Variants in CDH12 observed in about 807,000 individuals in gnomAD.
CDH12 encodes the protein cadherin-12.
Under a neutral mutation model 74.1 loss-of-function variants are expected in CDH12, and 41 were observed. That is an observed-to-expected ratio of 0.55 (90% confidence interval 0.43 to 0.72). The LOEUF (loss-of-function observed/expected upper bound fraction) is 0.72. Ranked by LOEUF, CDH12 falls within the 30% of genes least tolerant of loss-of-function variation. The pLI, the probability that CDH12 is intolerant of heterozygous loss-of-function variation, is 0.00. For synonymous variants in CDH12, 399 were observed against 355.0 expected, an observed-to-expected ratio of 1.12 and a Z score of -1.39; for missense variants, 945 against 977.2, an observed-to-expected ratio of 0.97 and a Z score of 0.44.
At chr5:22,559,279 A>G (rs903019330) in intron 1 of CDH12, among the ~76,000 whole-genome samples, 8 of 152,104 alleles carry the variant, frequency 5.3e-5, no homozygotes, top group Admixed American at 5.2e-4. Context: ...AAATGAATAT[A>G]AATATATTTA....
chr5:22,193,350 C>T (rs867865439), intron 4 of CDH12, among the ~76,000 whole-genome samples: 12 of 152,156 alleles, frequency 7.9e-5, no homozygotes, highest in Non-Finnish European at 1.3e-4. Flanking sequence ...AACTAGATTT[C>T]GATGTCGTGT....
At chr5:22,667,802 T>C (rs1157411412) in intron 1 of CDH12, among the ~76,000 whole-genome samples, 2 of 152,226 alleles carry the variant, frequency 1.3e-5, no homozygotes, top group Non-Finnish European at 2.9e-5. Context: ...ATATGCCCCA[T>C]GTCTGATTTA....
chr5:22,283,378 G>GA (rs1397351041), intron 3 of CDH12, among the ~76,000 whole-genome samples: 1 of 149,866 alleles, frequency 6.7e-6, no homozygotes. Context: ...TATATATAGT[G>GA]AAAAAATATT....
At chr5:22,242,494 G>A (rs986010374) in intron 3 of CDH12, among the ~76,000 whole-genome samples, 1 of 152,028 alleles carries the variant, frequency 6.6e-6, no homozygotes, top group Non-Finnish European at 1.5e-5. Context: ...AGAAAATGAT[G>A]TCCATATTCT....
intron 5 of CDH12, among the ~76,000 whole-genome samples, chr5:22,067,554 G>A (rs561367596): frequency 3.9e-5 from 6 of 152,226 alleles, no homozygotes; most frequent in South Asian, 2.1e-4. Flanking sequence ...AGTCTGCTAC[G>A]TAGACTGTTC....
intron 3 of CDH12, among the ~76,000 whole-genome samples, chr5:22,297,983 T>C (rs374225078): frequency 5.3e-5 from 8 of 151,630 alleles, no homozygotes; most frequent in East Asian, 3.9e-4. Context: ...TTTCAAGACT[T>C]ATATTTATAA....
chr5:22,038,145 G>T (rs1739313877), intron 5 of CDH12, among the ~76,000 whole-genome samples: 1 of 152,098 alleles, frequency 6.6e-6, no homozygotes, highest in Non-Finnish European at 1.5e-5. Context: ...ACACCCCTTT[G>T]GAAATGCAAC....
At chr5:22,611,147 T>C (rs1201144082) in intron 1 of CDH12, among the ~76,000 whole-genome samples, 1 of 152,180 alleles carries the variant, frequency 6.6e-6, no homozygotes, top group African/African-American at 2.4e-5. Flanking sequence ...TTCTTGTATA[T>C]TTCAGACACA....
intron 3 of CDH12, among the ~76,000 whole-genome samples, chr5:22,360,309 A>G (rs7735579): frequency 0.84 from 127,759 of 151,622 alleles, 53,891 homozygotes; most frequent in African/African-American, 0.87. Flanking sequence ...ACACCTCTAC[A>G]CAAATAAACT....
At chr5:22,265,267 T>G (rs766586505) in intron 3 of CDH12, among the ~76,000 whole-genome samples, 2 of 152,264 alleles carry the variant, frequency 1.3e-5, no homozygotes, top group East Asian at 1.9e-4. Context: ...AGCAGAAACA[T>G]GTACTACTTT....
At chr5:21,819,296 T>A (rs1345514664) in intron 8 of CDH12, among the ~76,000 whole-genome samples, 2 of 152,020 alleles carry the variant, frequency 1.3e-5, no homozygotes, top group Non-Finnish European at 2.9e-5. Context: ...TCCCTGAACT[T>A]CTGTTTAATG....
intron 4 of CDH12, among the ~76,000 whole-genome samples, chr5:22,179,757 A>T (rs1749535697): frequency 6.6e-6 from 1 of 152,226 alleles, no homozygotes; most frequent in Non-Finnish European, 1.5e-5. Flanking sequence ...CACTTAAGTA[A>T]CTAAACAAAT....
At chr5:22,549,083 G>A (rs1738451900) in intron 1 of CDH12, among the ~76,000 whole-genome samples, 1 of 151,690 alleles carries the variant, frequency 6.6e-6, no homozygotes, top group African/African-American at 2.4e-5. Flanking sequence ...GGAACTTCAG[G>A]CATGTATCAC....
intron 4 of CDH12, chr5:22,142,617 C>T (rs142181072): frequency 1.2e-4 from 56 of 485,968 alleles, no homozygotes; most frequent in African/African-American, 1.1e-3. Context: ...TTCTTACATC[C>T]TACCATTAAA....
chr5:22,222,612 A>G (rs1752057008), intron 3 of CDH12, among the ~76,000 whole-genome samples: 1 of 151,826 alleles, frequency 6.6e-6, no homozygotes, highest in Non-Finnish European at 1.5e-5. Context: ...AAATATCAAA[A>G]TCATATATTA....
intron 4 of CDH12, among the ~76,000 whole-genome samples, chr5:22,162,318 A>G (rs572918230): frequency 3.9e-5 from 6 of 152,220 alleles, no homozygotes; most frequent in Middle Eastern, 3.4e-3. Flanking sequence ...TCTGCCTGCC[A>G]TGACTCCAGG....
intron 3 of CDH12, among the ~76,000 whole-genome samples, chr5:22,231,120 T>C (rs987051431): frequency 6.6e-6 from 1 of 152,182 alleles, no homozygotes; most frequent in African/African-American, 2.4e-5. Flanking sequence ...TCATGAAACT[T>C]TAATCTTCAG....
rs1439948421 is a variant in CDH12, at chr5:21,955,009, G to A, written c.526+20082C>T. 5.9e-5 allele frequency among the ~76,000 whole-genome samples: 9 copies of A among 152,200 alleles called. No homozygotes were observed. The South Asian group carries it at 8.3e-4, about 14-fold the overall frequency. On this transcript the variant is annotated intron_variant, in intron 6 of 14. Coordinates refer to ENST00000382254, the MANE Select transcript of CDH12 (RefSeq NM_004061.5). ...GAAATTCATGTTATTGAGTAGAGTA[G>A]TAATACAGTGTGTTCCCTTGTGAAG...
intron 1 of CDH12, among the ~76,000 whole-genome samples, chr5:22,712,524 A>G (rs1743342534): frequency 6.6e-6 from 1 of 152,076 alleles, no homozygotes; most frequent in South Asian, 2.1e-4. Flanking sequence ...GAAACTCTCC[A>G]TGATTCTATT....
Sources: gnomAD v4.1 joint callset for allele counts (sites outside exome capture counted in the v4.1 genomes callset) on GRCh38, gnomAD v4.1.1 for gene constraint, MANE v1.5 for transcripts, NCBI Gene and HGNC (gene_info 2026-07-23, HGNC 2026-07-21) for gene names.